The following SLC6A11 variants were observed in gnomAD, a reference collection of about 807,000 sequenced individuals.
SLC6A11 encodes the protein solute carrier family 6 member 11, also known as sodium- and chloride-dependent GABA transporter 3.
SLC6A11 carries 25 observed loss-of-function variants against 74.8 expected under a neutral mutation model. The observed-to-expected ratio is 0.33, with a 90% confidence interval of 0.24 to 0.47. SLC6A11 has a LOEUF of 0.47. Among genes scored for constraint, SLC6A11 ranks in the 20% least tolerant of loss-of-function variants. The probability of loss-of-function intolerance (pLI) is 1.00; values close to 1 mark genes in which losing one functional copy is unlikely to be tolerated. For synonymous variants in SLC6A11, 330 were observed against 330.2 expected, an observed-to-expected ratio of 1.00 and a Z score of 0.01; for missense variants, 574 against 837.0, an observed-to-expected ratio of 0.69 and a Z score of 3.88.
At position 10,875,089 on chromosome 3, in the gene SLC6A11, C is replaced by A; in HGVS notation, c.885C>A (p.Asp295Glu). 6.2e-7 allele frequency: 1 copy of A among 1,607,052 alleles called. No individual in the cohort carries two copies. Residue 295 changes from aspartate to glutamate, a missense_variant, in exon 6 of 14, where the codon GAC (aspartate) becomes GAA (glutamate). By Grantham distance (45) the Asp-to-Glu change is conservative (BLOSUM62 2). Around this residue, in one of 4 missense-constraint regions of SLC6A11, gnomAD observed 215 missense variants for 357.9 expected, o/e 0.60. Transcript: ENST00000254488. ...ACCCTGACCTCTCCCGGCTCTCCGA[C>A]CCCCAGGTAAGAGTCGCTTGCTCAA... ...YLYPDLSRLS[D>E]PQVWVDAGTQ...
intron 6 of SLC6A11, among the ~76,000 whole-genome samples, chr3:10,899,528 A>G (rs1364869439): frequency 2.0e-5 from 3 of 152,260 alleles, no homozygotes; most frequent in Non-Finnish European, 2.9e-5. Flanking sequence ...TCTGAATTCC[A>G]TGAGATTCTG....
At chr3:10,869,659 G>A (rs536935208) in intron 5 of SLC6A11, among the ~76,000 whole-genome samples, 1 of 152,386 alleles carries the variant, frequency 6.6e-6, no homozygotes, top group Non-Finnish European at 1.5e-5. Context: ...AGCCCAGGCA[G>A]AGCCAGGACT....
At chr3:10,913,117 A>G (rs866828990) in intron 7 of SLC6A11, among the ~76,000 whole-genome samples, 1 of 151,700 alleles carries the variant, frequency 6.6e-6, no homozygotes, top group Non-Finnish European at 1.5e-5. Context: ...GAAATCATCA[A>G]ATTAGATTCT....
rs941345733 is a variant in SLC6A11, at chr3:10,816,257, A to G, written c.-9A>G. The stretch of plus-strand genomic sequence containing the variant: ...AGCCGGGCCGGCGCACGAGGCAGCC[A>G]GCGCGGCCATGACGGCGGAGAAGGC... On this transcript the variant is annotated 5_prime_UTR_variant, in exon 1 of 14. Transcript: ENST00000254488. The surrounding 1 kb of genome is among the most constrained non-coding windows in gnomAD (Gnocchi z 4.2). 1.5e-6 allele frequency: 2 copies of G among 1,318,382 alleles called. No individual in the cohort carries two copies. Among genetic ancestry groups the G allele is most frequent in the Non-Finnish European group, 9.7e-7 (1 of 1,036,268 alleles). The allele number at this position is 1,318,382 out of a possible 1,614,324, so 81.7% of individuals were successfully genotyped here.
intron 6 of SLC6A11, among the ~76,000 whole-genome samples, chr3:10,898,405 C>G (rs1695196780): frequency 6.6e-6 from 1 of 152,226 alleles, no homozygotes; most frequent in Non-Finnish European, 1.5e-5. Flanking sequence ...CCTTACAAAA[C>G]TGAATGCCTT....
At chr3:10,892,143 C>T (rs946900363) in intron 6 of SLC6A11, among the ~76,000 whole-genome samples, 4 of 152,252 alleles carry the variant, frequency 2.6e-5, no homozygotes, top group Non-Finnish European at 5.9e-5. Context: ...TTTGATACCT[C>T]TTAGTTGGCT....
Position 10,873,584 on chromosome 3 carries a change from G to GCTATC in SLC6A11, c.757-1357_757-1353dup, listed in dbSNP as rs955181539. 3.4e-3 allele frequency among the ~76,000 whole-genome samples: 401 copies of GCTATC among 116,456 alleles called. 4 individuals are homozygous for GCTATC. Among genetic ancestry groups the GCTATC allele is most frequent in the African/African-American group, 0.011 (271 of 24,808 alleles). 76.4% of individuals were successfully genotyped at this position (116,456 alleles called of 152,430 possible). On this transcript the variant is annotated intron_variant, in intron 5 of 13. Transcript: ENST00000254488. ...CCTACCCTACCCTACCCTACCCTAC[G>GCTATC]CTATCCTATCCTATCCTATCCTATG... is the stretch of plus-strand genomic sequence containing the variant.
At chr3:10,897,497 C>T (rs1695185071) in intron 6 of SLC6A11, among the ~76,000 whole-genome samples, 1 of 152,194 alleles carries the variant, frequency 6.6e-6, no homozygotes. Flanking sequence ...AAAGGGGCTA[C>T]AGGCCTCATG....
At chr3:10,923,803 G>A (rs1695566288) in intron 8 of SLC6A11, among the ~76,000 whole-genome samples, 1 of 152,158 alleles carries the variant, frequency 6.6e-6, no homozygotes, top group Non-Finnish European at 1.5e-5. Context: ...GCAGACAACA[G>A]TTTAACCTTA....
rs1694891539 is a variant in SLC6A11 at position 10,875,045 on chromosome 3, G to A, written c.841G>A (p.Gly281Ser). 5 of 1,613,460 alleles carry A rather than the reference G, an allele frequency of 3.1e-6. No individual in the cohort carries two copies. In the African/African-American group the frequency reaches 4.0e-5, roughly 13 times the overall value. Reference sequence around the variant, plus strand: ...GGTCACGTTGCCCGGGGCCTCAGAGGGCATCAAGTTCTACTTGTACCCTGA... The same window carrying A: ...GGTCACGTTGCCCGGGGCCTCAGAGAGCATCAAGTTCTACTTGTACCCTGA... ...RGVTLPGASE[G>S]IKFYLYPDLS... Residue 281 changes from glycine (G) to serine (S), a missense_variant, in exon 6 of 14, where the codon GGC becomes AGC. By Grantham distance (56) the Gly-to-Ser change is moderately conservative. Around this residue, in one of 4 missense-constraint regions of SLC6A11, gnomAD observed 215 missense variants for 357.9 expected, o/e 0.60. Transcript: ENST00000254488.
At position 10,910,435 on chromosome 3, in the gene SLC6A11, C is replaced by T. The variant is rs574698890; in HGVS notation, c.892-1655C>T. On this transcript the variant is annotated intron_variant, in intron 6 of 13. Coordinates refer to ENST00000254488, the MANE Select transcript of SLC6A11 (RefSeq NM_014229.3). The stretch of plus-strand genomic sequence containing the variant: ...GGATGTGGCCTGCGTGCCCCCAGAA[C>T]GAGGAAAACAGGAAGAGAGAGTTCA... 6.6e-5 allele frequency among the ~76,000 whole-genome samples: 10 copies of T among 152,132 alleles called. No homozygotes were observed. The South Asian group carries it at 8.3e-4, about 13-fold the overall frequency.
intron 6 of SLC6A11, among the ~76,000 whole-genome samples, chr3:10,884,049 G>A (rs111428147): frequency 1.5e-3 from 225 of 152,276 alleles, no homozygotes; most frequent in African/African-American, 5.1e-3. Context: ...CAGTGGTGCC[G>A]GGCGGTGCTG....
chr3:10,843,758 A>G (rs1694467431), intron 4 of SLC6A11, among the ~76,000 whole-genome samples: 1 of 152,168 alleles, frequency 6.6e-6, no homozygotes, highest in African/African-American at 2.4e-5. Context: ...ATGGAGAACC[A>G]TGCCACCAGT....
rs1383032381 is a variant in SLC6A11, at chr3:10,891,130, CT to C, written c.891+16036del. The stretch of plus-strand genomic sequence containing the variant: ...AATGAAACCTCAGCCTCTCAGACTT[CT>C]ATTTGCTCAGATGTCCCTATGGGTT... On this transcript the variant is annotated intron_variant, in intron 6 of 13. Transcript: ENST00000254488. Among the ~76,000 whole-genome samples the C allele has an allele frequency of 4.6e-5, 7 of 152,330 alleles. No homozygotes were observed. In the East Asian group the frequency reaches 1.2e-3, roughly 25 times the overall value.
intron 4 of SLC6A11, among the ~76,000 whole-genome samples, chr3:10,834,128 A>C (rs1215706421): frequency 1.3e-5 from 2 of 152,228 alleles, no homozygotes; most frequent in African/African-American, 4.8e-5. Flanking sequence ...TTCTGAGGGC[A>C]TGAGAGATTA....
chr3:10,903,822 T>G (rs1395267562), intron 6 of SLC6A11, among the ~76,000 whole-genome samples: 2 of 152,202 alleles, frequency 1.3e-5, no homozygotes, highest in Admixed American at 1.3e-4. Flanking sequence ...TCAACTTCTG[T>G]GTGTGAGAGA....
At chr3:10,920,588 C>T (rs768624033) in intron 8 of SLC6A11, among the ~76,000 whole-genome samples, 2 of 152,196 alleles carry the variant, frequency 1.3e-5, no homozygotes, top group Non-Finnish European at 2.9e-5. Flanking sequence ...TCATATACTA[C>T]CTCATGAAAT....
chr3:10,910,487 TCA>T (rs2106624996), intron 6 of SLC6A11, among the ~76,000 whole-genome samples: 1 of 152,258 alleles, frequency 6.6e-6, no homozygotes, highest in African/African-American at 2.4e-5. Flanking sequence ...GTTCTAATAG[TCA>T]GAGCTCTCTG....
rs1349075701 is a variant in SLC6A11, at chr3:10,878,698, C to T, written c.891+3603C>T. Among the ~76,000 whole-genome samples, 3 of 152,038 alleles carry T rather than the reference C, an allele frequency of 2.0e-5. No homozygotes were observed. The East Asian group carries it at 5.8e-4, about 30-fold the overall frequency. On this transcript the variant is annotated intron_variant, in intron 6 of 13. Transcript: ENST00000254488. The stretch of plus-strand genomic sequence containing the variant: ...AAAGTGCTGGGATTACAGGCGTGAT[C>T]CACCGTGCCTGGCCCACTCATCCTT...
Sources: gnomAD v4.1 joint callset for allele counts (sites outside exome capture counted in the v4.1 genomes callset) on GRCh38, gnomAD v4.1.1 for gene constraint, gnomAD v4.1.1 regional missense constraint, Gnocchi (gnomAD v3.1) non-coding constraint, MANE v1.5 for transcripts, NCBI Gene and HGNC (gene_info 2026-07-23, HGNC 2026-07-21) for gene names.